The following ADAMTSL1 variants were observed in gnomAD, a reference collection of about 807,000 sequenced individuals.
The protein encoded by ADAMTSL1 is ADAMTS like 1, also known as ADAMTS-like protein 1.
In ADAMTSL1, 126 loss-of-function variants were observed where a neutral mutation model predicts 201.8. The ratio of observed to expected loss-of-function variants is 0.62; its 90% CI spans 0.54 to 0.72. The LOEUF is 0.72. ADAMTSL1 is among the 30% of genes least tolerant of loss of function. ADAMTSL1 has a pLI of 0.00. For synonymous variants in ADAMTSL1, 1,121 were observed against 903.4 expected, an observed-to-expected ratio of 1.24 and a Z score of -4.32; for missense variants, 2,679 against 2,277.8, an observed-to-expected ratio of 1.18 and a Z score of -3.59.
At chr9:18,231,912 C>T (rs530730087) in intron 2 of ADAMTSL1, among the ~76,000 whole-genome samples, 1 of 152,344 alleles carries the variant, frequency 6.6e-6, no homozygotes, top group East Asian at 1.9e-4. Context: ...CATGACCACT[C>T]TGGTCTAAGC....
At chr9:18,023,090 A>G (rs184355371) in intron 1 of ADAMTSL1, among the ~76,000 whole-genome samples, 106 of 152,174 alleles carry the variant, frequency 7.0e-4, no homozygotes, top group Non-Finnish European at 1.3e-3. Context: ...TGTTTCCTGA[A>G]AGTACTTCCA....
chr9:18,712,736 G>A (rs971434253), intron 14 of ADAMTSL1, among the ~76,000 whole-genome samples: 9 of 151,802 alleles, frequency 5.9e-5, no homozygotes, highest in African/African-American at 9.7e-5. Context: ...TCAGATTCAG[G>A]AAATACAGAG....
intron 19 of ADAMTSL1, among the ~76,000 whole-genome samples, chr9:18,790,440 C>G (rs1349639314): frequency 2.0e-5 from 3 of 152,150 alleles, no homozygotes; most frequent in Non-Finnish European, 4.4e-5. Context: ...CAGAGGACCC[C>G]ATGATGCCAA....
chr9:18,327,315 T>C (rs1226301999), intron 2 of ADAMTSL1, among the ~76,000 whole-genome samples: 4 of 152,246 alleles, frequency 2.6e-5, no homozygotes, highest in Non-Finnish European at 4.4e-5. Flanking sequence ...TTGACCTAAA[T>C]GATCTATTCC....
At chr9:18,236,258 G>C (rs576765006) in intron 2 of ADAMTSL1, among the ~76,000 whole-genome samples, 8 of 152,218 alleles carry the variant, frequency 5.3e-5, no homozygotes, top group African/African-American at 1.9e-4. Flanking sequence ...TTTTACTAGA[G>C]ACGGGGTTTC....
chr9:18,743,566 C>T (rs573946813), intron 15 of ADAMTSL1, among the ~76,000 whole-genome samples: 1 of 152,070 alleles, frequency 6.6e-6, no homozygotes, highest in South Asian at 2.1e-4. Flanking sequence ...AGTGCTTTGC[C>T]ACTTCAGGTG....
At chr9:18,864,547 C>T (rs1827389683) in intron 23 of ADAMTSL1, among the ~76,000 whole-genome samples, 1 of 152,186 alleles carries the variant, frequency 6.6e-6, no homozygotes, top group East Asian at 1.9e-4. Context: ...TCTTTAGAGA[C>T]AGGTGCCACA....
At chr9:18,889,085 C>G (rs1829079261) in intron 24 of ADAMTSL1, among the ~76,000 whole-genome samples, 1 of 152,216 alleles carries the variant, frequency 6.6e-6, no homozygotes, top group Non-Finnish European at 1.5e-5. Flanking sequence ...TAAGCACTCT[C>G]TGCATAGGCT....
At chr9:18,541,526 A>C (rs2132158465) in intron 3 of ADAMTSL1, among the ~76,000 whole-genome samples, 1 of 152,116 alleles carries the variant, frequency 6.6e-6, no homozygotes, top group Admixed American at 6.5e-5. Flanking sequence ...AAAAAAAAAA[A>C]AATTTATGGG....
chr9:18,257,509 A>T (rs1011281405), intron 2 of ADAMTSL1, among the ~76,000 whole-genome samples: 3 of 152,240 alleles, frequency 2.0e-5, no homozygotes, highest in African/African-American at 7.2e-5. Flanking sequence ...AAATAATAAT[A>T]ATAACAACAA....
At chr9:18,135,239 G>A (rs975810366) in intron 1 of ADAMTSL1, among the ~76,000 whole-genome samples, 2 of 152,070 alleles carry the variant, frequency 1.3e-5, no homozygotes, top group African/African-American at 4.8e-5. Context: ...AGTCACAATT[G>A]AATTCTTTTA....
intron 2 of ADAMTSL1, among the ~76,000 whole-genome samples, chr9:18,379,164 C>G (rs545500609): frequency 6.6e-6 from 1 of 152,290 alleles, no homozygotes; most frequent in South Asian, 2.1e-4. Context: ...TCGTTTTGGA[C>G]AAAGCTTCTG....
intron 2 of ADAMTSL1, among the ~76,000 whole-genome samples, chr9:18,259,099 A>T (rs1831813615): frequency 6.6e-6 from 1 of 152,134 alleles, no homozygotes; most frequent in Admixed American, 6.5e-5. Context: ...TCCTGGCTCC[A>T]TATTATATCC....
chr9:18,599,162 T>C (rs971427021), intron 4 of ADAMTSL1, among the ~76,000 whole-genome samples: 1 of 152,238 alleles, frequency 6.6e-6, no homozygotes, highest in Non-Finnish European at 1.5e-5. Flanking sequence ...CATGATATAA[T>C]GTCCGTTCAG....
intron 2 of ADAMTSL1, among the ~76,000 whole-genome samples, chr9:18,272,006 C>G (rs1304278370): frequency 1.1e-4 from 16 of 150,694 alleles, no homozygotes; most frequent in African/African-American, 3.4e-4. Context: ...ATCCTTCGCC[C>G]ACTTTTTGAT....
intron 1 of ADAMTSL1, among the ~76,000 whole-genome samples, chr9:18,116,833 AT>A (rs1183386598): frequency 6.6e-6 from 1 of 152,202 alleles, no homozygotes; most frequent in East Asian, 1.9e-4. Flanking sequence ...ATCATTTAGC[AT>A]TAGGTCTGTC....
intron 2 of ADAMTSL1, among the ~76,000 whole-genome samples, chr9:18,305,833 A>ACGCAG (rs1053472319): frequency 2.6e-5 from 4 of 151,986 alleles, no homozygotes; most frequent in Non-Finnish European, 5.9e-5. Context: ...GCAGTGGATC[A>ACGCAG]CGCAGCACAG....
Position 18,900,310 on chromosome 9 carries a change from C to A in ADAMTSL1, c.4852-5472C>A, listed in dbSNP as rs191665949. Reference sequence around the variant, plus strand: ...TGGTGAGGTTGCAGAGAAAAAGGAACACTTTCACACTGTTGGTGAGAATAT... The same window carrying A: ...TGGTGAGGTTGCAGAGAAAAAGGAAAACTTTCACACTGTTGGTGAGAATAT... On this transcript the variant is annotated intron_variant, in intron 26 of 28. Coordinates refer to ENST00000380548, the MANE Select transcript of ADAMTSL1 (RefSeq NM_001040272.6). Among the ~76,000 whole-genome samples the A allele has an allele frequency of 7.2e-5, 11 of 152,282 alleles. 1 individual carries two copies. The highest frequency in any genetic ancestry group is 6.5e-4 in the Admixed American group (10 of 15,296).
chr9:18,795,927 A>G (rs1822393127), intron 20 of ADAMTSL1, among the ~76,000 whole-genome samples: 1 of 152,204 alleles, frequency 6.6e-6, no homozygotes, highest in Non-Finnish European at 1.5e-5. Flanking sequence ...TGCAAGAAAG[A>G]CTACGACCCA....
Sources: allele counts gnomAD v4.1 joint callset (sites outside exome capture counted in the v4.1 genomes callset), GRCh38; gene constraint gnomAD v4.1.1; transcripts MANE v1.5; gene names NCBI Gene and HGNC (gene_info 2026-07-23, HGNC 2026-07-21).